The following MAML3 variants were observed in gnomAD, a reference collection of about 807,000 sequenced individuals.
The protein encoded by MAML3 is mastermind-like protein 3.
Under a neutral mutation model 101.9 loss-of-function variants are expected in MAML3, and 27 were observed. That is an observed-to-expected ratio of 0.27 (90% CI 0.20 to 0.37). The LOEUF (loss-of-function observed/expected upper bound fraction) is 0.37, where lower values mean the gene tolerates loss of function less well. MAML3 is among the 10% of genes least tolerant of loss of function. The probability of loss-of-function intolerance (pLI) is 1.00; values close to 1 mark genes in which losing one functional copy is unlikely to be tolerated. For missense variants in MAML3, 1,316 were observed against 1,444.9 expected (o/e 0.91, Z 1.45); for synonymous variants, 501 against 555.9 (o/e 0.90, Z 1.39).
At chr4:140,007,569 T>G (rs1324140356) in intron 1 of MAML3, among the ~76,000 whole-genome samples, 4 of 152,102 alleles carry the variant, frequency 2.6e-5, no homozygotes, top group African/African-American at 4.8e-5. Context: ...CAAAAAAAGG[T>G]TTCTGTATCT....
chr4:139,728,413 C>T (rs1005185755), intron 3 of MAML3, among the ~76,000 whole-genome samples: 1 of 152,214 alleles, frequency 6.6e-6, no homozygotes, highest in African/African-American at 2.4e-5. Flanking sequence ...GTGTGCAGCA[C>T]ATACAGCTTC....
chr4:140,151,693 G>GC (rs941666310), intron 1 of MAML3, among the ~76,000 whole-genome samples: 1 of 148,382 alleles, frequency 6.7e-6, no homozygotes, highest in Non-Finnish European at 1.5e-5. Context: ...CGCGGTGCGG[G>GC]GGGGGGGGGC....
At position 139,720,075 on chromosome 4, in the gene MAML3, C is replaced by T. The variant is rs370944048; in HGVS notation, c.2665G>A (p.Gly889Ser). 8 of 1,613,966 alleles carry T rather than the reference C, an allele frequency of 5.0e-6. No individual in the cohort carries two copies. The highest frequency in any genetic ancestry group is 6.8e-6 in the Non-Finnish European group (8 of 1,179,920). ...GCTTGGTTATGTGTGATGCTCATGC[C>T]ACTTTGGTTTGGATGCTGCAACATT... ...TQMLQHPNQS[G>S]MSITHNQAQG... The change falls in exon 5 of 5, where the codon GGC becomes AGC. Residue 889 changes from glycine (G) to serine (S), a missense_variant. Physicochemically the swap from Gly to Ser is moderately conservative, Grantham distance 56 (BLOSUM62 0). Transcript: ENST00000509479.
chr4:140,025,095 A>C (rs1191429068), intron 1 of MAML3, among the ~76,000 whole-genome samples: 1 of 152,204 alleles, frequency 6.6e-6, no homozygotes, highest in Non-Finnish European at 1.5e-5. Flanking sequence ...GACTCAAGAG[A>C]TATAACAACC....
Position 139,890,181 on chromosome 4 carries a change from G to C in MAML3, c.1255C>G (p.Gln419Glu), listed in dbSNP as rs1732443941. 6.2e-7 allele frequency: 1 copy of C among 1,613,418 alleles called. No homozygotes were observed. Among genetic ancestry groups the C allele is most frequent in the Non-Finnish European group, 8.5e-7 (1 of 1,179,880 alleles). ...SPANCAVQSP[Q>E]TPNQAHTPGQ... is the part of the protein sequence containing the mutation. The stretch of plus-strand genomic sequence containing the variant: ...GGAGTGTGGGCTTGGTTTGGAGTTT[G>C]AGGGGACTGGACAGCACAGTTTGCT... Residue 419 changes from glutamine (Q) to glutamate (E), a missense_variant, in exon 2 of 5, where the codon CAA becomes GAA. Coordinates refer to ENST00000509479, the MANE Select transcript of MAML3 (RefSeq NM_018717.5). The surrounding 1 kb of genome is among the most constrained non-coding windows in gnomAD (Gnocchi z 4.1).
At chr4:139,864,487 G>C (rs1266494609) in intron 2 of MAML3, among the ~76,000 whole-genome samples, 1 of 151,986 alleles carries the variant, frequency 6.6e-6, no homozygotes, top group African/African-American at 2.4e-5. Flanking sequence ...GACCATCCTG[G>C]CCAACACGGT....
At position 140,011,144 on chromosome 4, in the gene MAML3, TGTC is replaced by T. The variant is rs1191318516; in HGVS notation, c.469-120180_469-120178del. On this transcript the variant is annotated intron_variant, in intron 1 of 4. Transcript: ENST00000509479. The stretch of plus-strand genomic sequence containing the variant: ...GTGTATATATATATATATACACATA[TGTC>T]ATATATATTTATATATATGACATAT... Among the ~76,000 whole-genome samples, 88 of 98,880 alleles carry T rather than the reference TGTC, an allele frequency of 8.9e-4. 1 individual carries two copies. Among genetic ancestry groups the T allele is most frequent in the African/African-American group, 3.3e-3 (81 of 24,446 alleles). The allele number at this position is 98,880 out of a possible 152,430, so 64.9% of individuals were successfully genotyped here.
At chr4:139,882,459 G>A (rs749516929) in intron 2 of MAML3, among the ~76,000 whole-genome samples, 1 of 152,054 alleles carries the variant, frequency 6.6e-6, no homozygotes, top group South Asian at 2.1e-4. Flanking sequence ...ACACACATAG[G>A]GTGGGGAATC....
intron 1 of MAML3, among the ~76,000 whole-genome samples, chr4:140,002,962 A>G (rs987876820): frequency 6.6e-6 from 1 of 152,222 alleles, no homozygotes; most frequent in East Asian, 1.9e-4. Context: ...GGTGGCAGGA[A>G]AGTAATGGCA....
chr4:140,069,975 G>C lies in MAML3; in HGVS notation c.468+82885C>G, dbSNP rs572988862. Reference sequence around the variant, plus strand: ...TACTAAAAATACAAAAATTAGCTAGGTGTGGTGGTGCACACCTGTAATCCC... The same window carrying C: ...TACTAAAAATACAAAAATTAGCTAGCTGTGGTGGTGCACACCTGTAATCCC... On this transcript the variant is annotated intron_variant, in intron 1 of 4. Transcript: ENST00000509479. Among the ~76,000 whole-genome samples, 4 of 152,182 alleles carry C rather than the reference G, an allele frequency of 2.6e-5. 1 individual carries two copies. In the South Asian group the frequency reaches 6.2e-4, roughly 24 times the overall value.
chr4:139,989,850 A>AAC (rs71593737), intron 1 of MAML3, among the ~76,000 whole-genome samples: 6,745 of 122,646 alleles, frequency 0.055, 171 homozygotes, highest in African/African-American at 0.066. Context: ...CACACAAACA[A>AAC]ACACACACAC....
chr4:140,151,132 C>T (rs1484778974), intron 1 of MAML3, among the ~76,000 whole-genome samples: 3 of 151,996 alleles, frequency 2.0e-5, no homozygotes, highest in African/African-American at 7.2e-5. Context: ...AAGCGCCTCC[C>T]GCTCCCTCCC....
chr4:140,001,781 C>T (rs776589211), intron 1 of MAML3, among the ~76,000 whole-genome samples: 11 of 152,078 alleles, frequency 7.2e-5, no homozygotes, highest in Non-Finnish European at 1.3e-4. Context: ...TTAATCATAT[C>T]CTTGGCCTAA....
chr4:139,857,727 T>C (rs557739834), intron 2 of MAML3, among the ~76,000 whole-genome samples: 1 of 152,308 alleles, frequency 6.6e-6, no homozygotes, highest in East Asian at 1.9e-4. Context: ...CTTTGGCCCC[T>C]AGATAGAAAA....
At chr4:139,872,913 A>G (rs1840540) in intron 2 of MAML3, among the ~76,000 whole-genome samples, 68,428 of 151,416 alleles carry the variant, frequency 0.45, 16,363 homozygotes, top group African/African-American at 0.58. Flanking sequence ...CCCCGTCTAT[A>G]CTAAAAATAT....
At chr4:139,879,558 A>G (rs1371286925) in intron 2 of MAML3, among the ~76,000 whole-genome samples, 1 of 149,128 alleles carries the variant, frequency 6.7e-6, no homozygotes, top group African/African-American at 2.5e-5. Flanking sequence ...AAAGAAAAGA[A>G]AAAAGAGAAA....
At chr4:140,032,012 T>C (rs1408805631) in intron 1 of MAML3, among the ~76,000 whole-genome samples, 2 of 152,214 alleles carry the variant, frequency 1.3e-5, no homozygotes, top group Non-Finnish European at 2.9e-5. Flanking sequence ...TCTTAATAAA[T>C]AGCAACCACT....
intron 1 of MAML3, among the ~76,000 whole-genome samples, chr4:140,111,655 G>C (rs529327698): frequency 6.6e-6 from 1 of 152,324 alleles, no homozygotes; most frequent in East Asian, 1.9e-4. Context: ...GAAAACTCAA[G>C]TTGCCATTGG....
chr4:140,008,361 A>G (rs918304533), intron 1 of MAML3, among the ~76,000 whole-genome samples: 20 of 152,180 alleles, frequency 1.3e-4, no homozygotes, highest in African/African-American at 4.6e-4. Flanking sequence ...TAAAAAAAAA[A>G]AGAATCTTTA....
Sources: gnomAD v4.1 joint callset for allele counts (sites outside exome capture counted in the v4.1 genomes callset) on GRCh38, gnomAD v4.1.1 for gene constraint, Gnocchi (gnomAD v3.1) non-coding constraint, MANE v1.5 for transcripts, NCBI Gene and HGNC (gene_info 2026-07-23, HGNC 2026-07-21) for gene names.